The following TOX variants were observed in gnomAD, a reference collection of about 807,000 sequenced individuals.
The protein encoded by TOX is thymocyte selection associated high mobility group box, also known as thymocyte selection-associated high mobility group box protein TOX.
TOX carries 11 observed loss-of-function variants against 53.7 expected under a neutral mutation model. The observed-to-expected ratio is 0.20, with a 90% CI of 0.13 to 0.34. The LOEUF (loss-of-function observed/expected upper bound fraction) is 0.34, where lower values mean the gene tolerates loss of function less well. Among genes scored for constraint, TOX ranks in the 10% least tolerant of loss-of-function variants. The pLI is 1.00. For synonymous variants in TOX, 225 were observed against 245.3 expected (o/e 0.92, Z 0.77); for missense variants, 570 against 664.6 (o/e 0.86, Z 1.56).
chr8:58,849,902 A>T (rs1300324815), intron 4 of TOX, among the ~76,000 whole-genome samples: 1 of 152,190 alleles, frequency 6.6e-6, no homozygotes, highest in East Asian at 1.9e-4. Flanking sequence ...TAGTGTTCAC[A>T]TTTGGGTTCA....
chr8:58,935,786 G>A (rs1374002572), intron 3 of TOX, among the ~76,000 whole-genome samples: 1 of 152,192 alleles, frequency 6.6e-6, no homozygotes, highest in African/African-American at 2.4e-5. Context: ...AAGAGTTTTA[G>A]TAAGTTTTTA....
chr8:58,904,737 T>C (rs530891967), intron 3 of TOX, among the ~76,000 whole-genome samples: 2 of 152,314 alleles, frequency 1.3e-5, no homozygotes, highest in African/African-American at 4.8e-5. Context: ...TAATCAAAGC[T>C]TTAACAAACT....
chr8:58,881,783 G>C, intron 3 of TOX, among the ~76,000 whole-genome samples: 1 of 150,028 alleles, frequency 6.7e-6, no homozygotes, highest in Non-Finnish European at 1.5e-5. Context: ...GTTTAGGAAA[G>C]GTGACATGCA....
At chr8:59,056,487 T>C (rs576278057) in intron 1 of TOX, among the ~76,000 whole-genome samples, 1 of 146,040 alleles carries the variant, frequency 6.8e-6, no homozygotes, top group African/African-American at 2.5e-5. Flanking sequence ...AAAAGAATTA[T>C]ACTGATACCA....
chr8:58,818,487 A>G (rs191247069), intron 6 of TOX, among the ~76,000 whole-genome samples: 1 of 152,280 alleles, frequency 6.6e-6, no homozygotes, highest in Non-Finnish European at 1.5e-5. Flanking sequence ...GTCTCTTTTC[A>G]CAAAGATGTC....
At chr8:58,910,520 T>C (rs1811891127) in intron 3 of TOX, among the ~76,000 whole-genome samples, 1 of 152,220 alleles carries the variant, frequency 6.6e-6, no homozygotes, top group Non-Finnish European at 1.5e-5. Context: ...AATGGATATA[T>C]TCCCATGTCT....
rs566857201 is a variant in TOX at position 58,929,466 on chromosome 8, T to C, written c.411+9836A>G. ...GTAATGCTTGTCCACGTAAGAGATC[T>C]TGAAACTTTCAAACTAGAAAAAAAC... On this transcript the variant is annotated intron_variant, in intron 3 of 8. Transcript: ENST00000361421. 4.2e-4 allele frequency among the ~76,000 whole-genome samples: 64 copies of C among 152,178 alleles called. No homozygotes were observed. In the South Asian group the frequency reaches 0.013, roughly 31 times the overall value.
intron 3 of TOX, among the ~76,000 whole-genome samples, chr8:58,915,200 A>G (rs1208713787): frequency 6.6e-6 from 1 of 151,356 alleles, no homozygotes; most frequent in African/African-American, 2.4e-5. Flanking sequence ...GGAGCCCACC[A>G]CAGCTCAAGG....
chr8:58,905,262 T>C lies in TOX; in HGVS notation c.411+34040A>G, dbSNP rs1811794284. On this transcript the variant is annotated intron_variant, in intron 3 of 8. Coordinates refer to ENST00000361421, the MANE Select transcript of TOX (RefSeq NM_014729.3). ...ATCTATACTATACAAAAGTAGATCA[T>C]TGGCCCTTGAATAATATGAAATTAA... 2.0e-5 allele frequency among the ~76,000 whole-genome samples: 3 copies of C among 152,326 alleles called. No homozygotes were observed. In the South Asian group the frequency reaches 6.2e-4, roughly 32 times the overall value.
At chr8:58,856,512 T>A (rs1810918512) in intron 3 of TOX, among the ~76,000 whole-genome samples, 1 of 152,180 alleles carries the variant, frequency 6.6e-6, no homozygotes, top group South Asian at 2.1e-4. Context: ...AACTTCTTAG[T>A]CACAAGATGA....
intron 4 of TOX, among the ~76,000 whole-genome samples, chr8:58,844,007 G>A (rs977076746): frequency 2.0e-5 from 3 of 152,180 alleles, no homozygotes; most frequent in African/African-American, 7.2e-5. Flanking sequence ...TATGACTGTG[G>A]TAGAAAAATT....
At chr8:58,822,331 TTC>T (rs1246060452) in intron 6 of TOX, among the ~76,000 whole-genome samples, 2 of 152,222 alleles carry the variant, frequency 1.3e-5, no homozygotes, top group Non-Finnish European at 2.9e-5. Context: ...CCTTCTAACT[TTC>T]GGCCTTCCAG....
chr8:58,938,540 G>T lies in TOX; in HGVS notation c.411+762C>A, dbSNP rs140421693. ...TTTCCACTATTGGGGTATAGACAGAGAAATTATTAAGTTTCAGATGACATA... is the reference window on the plus strand; with the variant it reads ...TTTCCACTATTGGGGTATAGACAGATAAATTATTAAGTTTCAGATGACATA... On this transcript the variant is annotated intron_variant, in intron 3 of 8. Coordinates refer to ENST00000361421, the MANE Select transcript of TOX (RefSeq NM_014729.3). Among the ~76,000 whole-genome samples, 51 of 152,176 alleles carry T rather than the reference G, an allele frequency of 3.4e-4. No homozygotes were observed. In the East Asian group the frequency reaches 7.2e-3, roughly 21 times the overall value.
At chr8:58,827,503 G>T (rs1343710486) in intron 5 of TOX, among the ~76,000 whole-genome samples, 1 of 152,150 alleles carries the variant, frequency 6.6e-6, no homozygotes, top group African/African-American at 2.4e-5. Context: ...AGCCCAAGTG[G>T]CTGTGGATTG....
At chr8:58,982,989 C>A (rs1201089166) in intron 1 of TOX, among the ~76,000 whole-genome samples, 1 of 152,172 alleles carries the variant, frequency 6.6e-6, no homozygotes, top group African/African-American at 2.4e-5. Flanking sequence ...TGATGTCATA[C>A]TTTATCTCCA....
At chr8:58,858,247 C>A (rs1438418627) in intron 3 of TOX, among the ~76,000 whole-genome samples, 1 of 152,150 alleles carries the variant, frequency 6.6e-6, no homozygotes, top group Non-Finnish European at 1.5e-5. Context: ...TTGAATGGCA[C>A]CAGAACGATG....
rs970921216 is a variant in TOX at position 58,830,216 on chromosome 8, T to C, written c.925-3314A>G. On this transcript the variant is annotated intron_variant, in intron 5 of 8. Coordinates refer to ENST00000361421, the MANE Select transcript of TOX (RefSeq NM_014729.3). The stretch of plus-strand genomic sequence containing the variant: ...AATCATAATACATCATTTATCATTT[T>C]CCCCCACTCATCTAAACACGTTTGA... Among the ~76,000 whole-genome samples the C allele has an allele frequency of 2.6e-5, 4 of 152,170 alleles. No homozygotes were observed. In the South Asian group the frequency reaches 8.3e-4, roughly 32 times the overall value.
intron 1 of TOX, among the ~76,000 whole-genome samples, chr8:59,028,093 C>T (rs1463213450): frequency 6.6e-6 from 1 of 152,146 alleles, no homozygotes. Context: ...TCTGTTACCA[C>T]GAATTTGTAT....
intron 1 of TOX, among the ~76,000 whole-genome samples, chr8:58,998,540 A>ATATAT (rs1813621315): frequency 5.1e-5 from 6 of 117,858 alleles, no homozygotes; most frequent in African/African-American, 1.9e-4. Flanking sequence ...TATATATATA[A>ATATAT]ATTTATATAT....
Sources: allele counts gnomAD v4.1 joint callset (sites outside exome capture counted in the v4.1 genomes callset), GRCh38; gene constraint gnomAD v4.1.1; transcripts MANE v1.5; gene names NCBI Gene and HGNC (gene_info 2026-07-23, HGNC 2026-07-21).